CELF4: variants seen among roughly 807,000 people sequenced by gnomAD.
The protein encoded by CELF4 is CUGBP Elav-like family member 4.
CELF4 carries 18 observed loss-of-function variants against 59.9 expected under a neutral mutation model. The ratio of observed to expected loss-of-function variants is 0.30; its 90% CI spans 0.21 to 0.45. The LOEUF (loss-of-function observed/expected upper bound fraction) is 0.45. Among genes scored for constraint, CELF4 ranks in the 20% least tolerant of loss-of-function variants. CELF4 has a pLI of 1.00. For missense variants in CELF4, 456 were observed against 689.0 expected (o/e 0.66, Z 3.79); for synonymous variants, 261 against 267.1 (o/e 0.98, Z 0.22).
intron 1 of CELF4, among the ~76,000 whole-genome samples, chr18:37,547,160 G>GTGGTGTGTGTGTGTGTGT (rs61235122): frequency 6.9e-6 from 1 of 144,170 alleles, no homozygotes; most frequent in Admixed American, 7.0e-5. Context: ...GTGTGTGTGT[G>GTGGTGTGTGTGTGTGTGT]GTGTGTGTGT....
chr18:37,289,377 T>C (rs2095136283), intron 3 of CELF4, among the ~76,000 whole-genome samples: 1 of 152,144 alleles, frequency 6.6e-6, no homozygotes, highest in African/African-American at 2.4e-5. Context: ...TCAGCTCAAG[T>C]GCTCCAGAAT....
At chr18:37,436,229 G>A (rs6507200) in intron 2 of CELF4, among the ~76,000 whole-genome samples, 54,093 of 152,060 alleles carry the variant, frequency 0.36, 10,223 homozygotes, top group East Asian at 0.59. Flanking sequence ...CTCCAGCACT[G>A]TATACCGATA....
chr18:37,356,779 A>G (rs1322985167), intron 2 of CELF4, among the ~76,000 whole-genome samples: 1 of 152,182 alleles, frequency 6.6e-6, no homozygotes, highest in African/African-American at 2.4e-5. Flanking sequence ...GTCCTCAGCT[A>G]GGCTGCCTTC....
intron 3 of CELF4, among the ~76,000 whole-genome samples, chr18:37,281,623 G>C (rs370177181): frequency 4.6e-5 from 7 of 152,132 alleles, no homozygotes; most frequent in East Asian, 3.9e-4. Flanking sequence ...GCAGTTTGGG[G>C]GTGCAGAGAA....
chr18:37,521,536 C>T (rs117000276), intron 1 of CELF4, among the ~76,000 whole-genome samples: 17 of 152,268 alleles, frequency 1.1e-4, no homozygotes, highest in African/African-American at 3.4e-4. Context: ...CTGTCCTCTA[C>T]GTGCACCATT....
At chr18:37,381,099 G>C (rs2099034573) in intron 2 of CELF4, among the ~76,000 whole-genome samples, 1 of 127,894 alleles carries the variant, frequency 7.8e-6, no homozygotes, top group Admixed American at 7.8e-5. Context: ...TCTACCATCA[G>C]CCATCCACCA....
intron 11 of CELF4, 157 bp downstream of exon 11, chr18:37,259,024 T>A (rs1209711279): frequency 1.0e-5 from 11 of 1,088,006 alleles, no homozygotes; most frequent in Non-Finnish European, 1.5e-5. Flanking sequence ...GCGGGGGCAA[T>A]GTGAAGGAGC....
chr18:37,358,141 A>G (rs1019868589), intron 2 of CELF4, among the ~76,000 whole-genome samples: 1 of 152,068 alleles, frequency 6.6e-6, no homozygotes, highest in Admixed American at 6.6e-5. Context: ...GGGTGGAATG[A>G]TATGGTTTGG....
chr18:37,498,678 T>C (rs892243059), intron 1 of CELF4, among the ~76,000 whole-genome samples: 2 of 152,236 alleles, frequency 1.3e-5, no homozygotes, highest in South Asian at 4.1e-4. Flanking sequence ...TTGAGGTTCC[T>C]GTCACCAGCC....
At chr18:37,450,819 C>G (rs551150690) in intron 2 of CELF4, among the ~76,000 whole-genome samples, 6 of 152,262 alleles carry the variant, frequency 3.9e-5, no homozygotes, top group South Asian at 2.1e-4. Flanking sequence ...TCCAGCATAA[C>G]AATGCACAGG....
intron 2 of CELF4, among the ~76,000 whole-genome samples, chr18:37,334,016 C>T (rs1473699032): frequency 6.6e-6 from 1 of 152,156 alleles, no homozygotes; most frequent in East Asian, 1.9e-4. Context: ...AATGCCCAGC[C>T]ATGCAGTCCT....
chr18:37,265,032 CGT>C (rs749716103), intron 9 of CELF4, among the ~76,000 whole-genome samples: 94 of 146,528 alleles, frequency 6.4e-4, no homozygotes, highest in African/African-American at 1.7e-3. Context: ...TGTGTGTGTA[CGT>C]GTGTGTGTAC....
chr18:37,532,002 A>T (rs994472429), intron 1 of CELF4, among the ~76,000 whole-genome samples: 1 of 152,192 alleles, frequency 6.6e-6, no homozygotes, highest in South Asian at 2.1e-4. Context: ...TCCATCGCCT[A>T]TGGCGCACAT....
chr18:37,434,713 T>G (rs1418435165), intron 2 of CELF4, among the ~76,000 whole-genome samples: 2 of 152,060 alleles, frequency 1.3e-5, no homozygotes, highest in Admixed American at 6.6e-5. Context: ...AGGCCACAGA[T>G]GCGATCAGTA....
chr18:37,401,044 G>T (rs1034895061), intron 2 of CELF4, among the ~76,000 whole-genome samples: 1 of 152,182 alleles, frequency 6.6e-6, no homozygotes, highest in African/African-American at 2.4e-5. Flanking sequence ...AGGTGTGGGG[G>T]TCCTTCCTTG....
intron 2 of CELF4, among the ~76,000 whole-genome samples, chr18:37,438,423 G>T (rs1165653488): frequency 6.6e-6 from 1 of 152,174 alleles, no homozygotes; most frequent in East Asian, 1.9e-4. Context: ...TGACAGAGTA[G>T]ATAGAGTAGA....
intron 8 of CELF4, among the ~76,000 whole-genome samples, chr18:37,267,405 G>A (rs945190845): frequency 7.9e-5 from 12 of 152,220 alleles, no homozygotes; most frequent in African/African-American, 2.9e-4. Flanking sequence ...CTCTGCTGAA[G>A]CTGTGGGCAA....
intron 2 of CELF4, among the ~76,000 whole-genome samples, chr18:37,479,720 C>T (rs771682203): frequency 2.0e-5 from 3 of 152,072 alleles, no homozygotes; most frequent in Admixed American, 6.6e-5. Flanking sequence ...CACAGGGCAG[C>T]CCCTTTCTCA....
At chr18:37,303,276 C>T (rs1455628992) in intron 3 of CELF4, among the ~76,000 whole-genome samples, 1 of 152,126 alleles carries the variant, frequency 6.6e-6, no homozygotes, top group Non-Finnish European at 1.5e-5. Context: ...ACCCAGGCCC[C>T]CTGCAAAGCT....
Sources: gnomAD v4.1 joint callset for allele counts (sites outside exome capture counted in the v4.1 genomes callset) on GRCh38, gnomAD v4.1.1 for gene constraint, MANE v1.5 for transcripts, NCBI Gene and HGNC (gene_info 2026-07-23, HGNC 2026-07-21) for gene names.